The following GAK variants were observed in gnomAD, a reference collection of about 807,000 sequenced individuals.
The protein encoded by GAK is cyclin-G-associated kinase.
In GAK, 79 loss-of-function variants were observed where a neutral mutation model predicts 143.9. The ratio of observed to expected loss-of-function variants is 0.55; its 90% CI spans 0.46 to 0.66. GAK has a LOEUF of 0.66. Ranked by LOEUF, GAK falls within the 30% of genes least tolerant of loss-of-function variation. GAK has a pLI of 0.00. For missense variants in GAK, 1,693 were observed against 1,779.7 expected (o/e 0.95, Z 0.88); for synonymous variants, 881 against 765.5 (o/e 1.15, Z -2.49).
At chr4:911,909 T>A in intron 3 of GAK, 122 bp from the exon 4 acceptor site, 2 of 749,304 alleles carry the variant, frequency 2.7e-6, no homozygotes, top group Non-Finnish European at 4.5e-6. Context: ...CCCTTACAAT[T>A]TTAGACGTCA....
chr4:849,815 C>CGGGGGCGGGGGGGGG, intron 27 of GAK, 41 bp from the exon 28 acceptor site: 3 of 1,493,236 alleles, frequency 2.0e-6, no homozygotes, highest in Admixed American at 1.9e-5. Context: ...TATAAGCATG[C>CGGGGGCGGGGGGGGG]GGGGGCGGGC....
At chr4:913,698 T>A (rs1346312562) in intron 1 of GAK, 30 bp from the exon 2 acceptor site, 2 of 1,557,662 alleles carry the variant, frequency 1.3e-6, no homozygotes, top group South Asian at 1.1e-5. Context: ...GTCAGTTCAA[T>A]GCTATGATTT....
chr4:867,016 C>G lies in GAK; in HGVS notation c.2812G>C (p.Ala938Pro), dbSNP rs755373301. Residue 938 changes from alanine to proline, a missense_variant, in exon 21 of 28, where the codon GCA (alanine) becomes CCA (proline). By Grantham distance (27) the Ala-to-Pro change is conservative. This residue lies in a region of GAK where 822 missense variants were observed against 788.7 expected (regional missense o/e 1.04). Coordinates refer to ENST00000314167, the MANE Select transcript of GAK (RefSeq NM_005255.4). ...DLLSEDPLLL[A>P]SPAPPLSVQS... ...ACGCTCAGGGGAGGGGCCGGGCTTG[C>G]CAGGAGCAGCGGGTCCTCGCTGAGC... The G allele has an allele frequency of 3.3e-6, 5 of 1,501,678 alleles. No individual in the cohort carries two copies. 93.0% of individuals were successfully genotyped at this position (1,501,678 alleles called of 1,614,324 possible). A position where few individuals can be genotyped will look rare whatever the true frequency, so the allele number is the denominator to read the frequency against.
chr4:878,898 G>A (rs1055897261), intron 15 of GAK, among the ~76,000 whole-genome samples: 6 of 152,288 alleles, frequency 3.9e-5, no homozygotes, highest in East Asian at 1.9e-4. Context: ...CTATGGTGAC[G>A]GTGCAGACCC....
chr4:862,374 C>T (rs935081725), intron 23 of GAK, among the ~76,000 whole-genome samples: 15 of 152,234 alleles, frequency 9.9e-5, no homozygotes, highest in African/African-American at 2.4e-4. Flanking sequence ...TGCTAAGATC[C>T]GGCTGAGATC....
intron 20 of GAK, among the ~76,000 whole-genome samples, chr4:868,185 C>T (rs1359572303): frequency 6.6e-6 from 1 of 152,046 alleles, no homozygotes; most frequent in Non-Finnish European, 1.5e-5. Context: ...TGTGGGATCC[C>T]CAGGTGGTGA....
chr4:876,418 G>A (rs1713889259), intron 18 of GAK, 112 bp downstream of exon 18: 2 of 870,948 alleles, frequency 2.3e-6, no homozygotes. Flanking sequence ...CCACCAAGCA[G>A]CAGTCACACA....
At chr4:855,917 T>C (rs1749042435) in intron 24 of GAK, among the ~76,000 whole-genome samples, 1 of 152,164 alleles carries the variant, frequency 6.6e-6, no homozygotes, top group Non-Finnish European at 1.5e-5. Context: ...ATTATGCCAC[T>C]GCACTCCAGC....
intron 18 of GAK, among the ~76,000 whole-genome samples, chr4:876,236 C>T (rs985655490): frequency 2.6e-5 from 4 of 151,894 alleles, no homozygotes; most frequent in Non-Finnish European, 4.4e-5. Context: ...GGCTCAGGAA[C>T]GTTTGCTAAG....
rs941740800 is a variant in GAK, at chr4:919,280, C to T, written c.146-5612G>A. Among the ~76,000 whole-genome samples, 5 of 148,040 alleles carry T rather than the reference C, an allele frequency of 3.4e-5. No individual in the cohort carries two copies. The East Asian group carries it at 8.2e-4, about 24-fold the overall frequency. ...CAGAAGGCTCCAAAGGCCTCAGTGC[C>T]GCATGACCTTAGAAAGACAGAAGGC... On this transcript the variant is annotated intron_variant, in intron 1 of 27. Coordinates refer to ENST00000314167, the MANE Select transcript of GAK (RefSeq NM_005255.4).
intron 24 of GAK, chr4:852,451 T>G (rs1042194037): frequency 4.6e-5 from 8 of 173,450 alleles, no homozygotes; most frequent in Admixed American, 3.8e-4. Context: ...CGTAACTTTT[T>G]TTTTTTGAGA....
intron 9 of GAK, among the ~76,000 whole-genome samples, chr4:890,946 ATT>A (rs35262185): frequency 2.3e-5 from 3 of 131,942 alleles, no homozygotes; most frequent in Admixed American, 7.6e-5. Flanking sequence ...TCCAACCAAC[ATT>A]TTTTTTTTTT....
At position 849,938 on chromosome 4, in the gene GAK, A is replaced by C; in HGVS notation, c.3788T>G (p.Val1263Gly). ...GMADLVAPEQ[V>G]KKHYRRAVLA... ...CACCGCGCGGCGATAGTGCTTCTTC[A>C]CTTGCTCCGGAGCCACCAGGTCGGC... is the stretch of plus-strand genomic sequence containing the variant. The change falls in exon 27 of 28, where the codon GTG (valine) becomes GGG (glycine). Residue 1263 changes from valine to glycine, a missense_variant. Val to Gly is a moderately radical substitution (Grantham distance 109). This residue lies in a region of GAK where 822 missense variants were observed against 788.7 expected (regional missense o/e 1.04). Transcript: ENST00000314167. 3 of 1,606,794 alleles carry C rather than the reference A, an allele frequency of 1.9e-6. No homozygotes were observed. The highest frequency in any genetic ancestry group is 2.5e-6 in the Non-Finnish European group (3 of 1,178,482).
At chr4:854,262 G>A (rs543870772) in intron 24 of GAK, among the ~76,000 whole-genome samples, 6 of 151,814 alleles carry the variant, frequency 4.0e-5, no homozygotes, top group Admixed American at 6.6e-5. Flanking sequence ...AGGACCCTGC[G>A]CTCTCGCCCA....
intron 18 of GAK, among the ~76,000 whole-genome samples, chr4:871,621 G>A (rs1712641497): frequency 1.3e-5 from 2 of 151,694 alleles, no homozygotes; most frequent in South Asian, 4.2e-4. Flanking sequence ...AGCAGGGCCT[G>A]CCTTGGGGTG....
intron 7 of GAK, 62 bp downstream of exon 7, chr4:896,398 C>A: frequency 5.1e-6 from 7 of 1,365,772 alleles, no homozygotes; most frequent in Non-Finnish European, 7.2e-6. Context: ...CGGCCCACGC[C>A]GCCTCAGGTT....
chr4:859,490 G>A (rs1186051122), intron 24 of GAK, 116 bp downstream of exon 24: 8 of 1,601,228 alleles, frequency 5.0e-6, no homozygotes, highest in Non-Finnish European at 6.8e-6. Context: ...CTGGGCTTGG[G>A]GGTCTTAGTG....
At chr4:929,506 C>T (rs77398463) in intron 1 of GAK, among the ~76,000 whole-genome samples, 3,427 of 152,218 alleles carry the variant, frequency 0.023, 138 homozygotes, top group African/African-American at 0.077. Context: ...ACAGCATACA[C>T]CTGCCCTGGG....
intron 11 of GAK, 129 bp downstream of exon 11, chr4:888,718 T>C: frequency 9.0e-7 from 1 of 1,109,038 alleles, no homozygotes; most frequent in Non-Finnish European, 1.3e-6. Context: ...GGTGATGCTG[T>C]CCCACTGCCT....
Sources: allele counts gnomAD v4.1 joint callset (sites outside exome capture counted in the v4.1 genomes callset), GRCh38; gene constraint gnomAD v4.1.1; regional missense constraint gnomAD v4.1.1; transcripts MANE v1.5; gene names NCBI Gene and HGNC (gene_info 2026-07-23, HGNC 2026-07-21).